The following GBE1 variants were observed in gnomAD, a reference collection of about 807,000 sequenced individuals.
GBE1 encodes 1,4-alpha-glucan branching enzyme 1.
In GBE1, 70 loss-of-function variants were observed where a neutral mutation model predicts 88.8. The observed-to-expected ratio is 0.79, with a 90% CI of 0.65 to 0.96. The LOEUF (loss-of-function observed/expected upper bound fraction) is 0.96. Ranked by LOEUF, GBE1 falls within the 40% of genes least tolerant of loss-of-function variation. The pLI is 0.00. For missense variants in GBE1, 872 were observed against 871.0 expected (o/e 1.00, Z -0.01); for synonymous variants, 284 against 300.1 (o/e 0.95, Z 0.56).
Position 81,490,318 on chromosome 3 carries a change from G to A in GBE1, c.*89C>T. ...TGGCTTGGCTAGACAACTGTATTCT[G>A]AAAAGCATACATGTTATAAGCTGTG... On this transcript the variant is annotated 3_prime_UTR_variant, in exon 16 of 16. Coordinates refer to ENST00000429644, the MANE Select transcript of GBE1 (RefSeq NM_000158.4). 1 of 1,106,624 alleles carries A rather than the reference G, an allele frequency of 9.0e-7. No homozygotes were observed. Among genetic ancestry groups the A allele is most frequent in the Non-Finnish European group, 1.4e-6 (1 of 724,376 alleles). The allele number at this position is 1,106,624 out of a possible 1,614,324, so 68.6% of individuals were successfully genotyped here.
At chr3:81,743,365 G>T (rs1314132393) in intron 1 of GBE1, among the ~76,000 whole-genome samples, 1 of 151,948 alleles carries the variant, frequency 6.6e-6, no homozygotes, top group Non-Finnish European at 1.5e-5. Flanking sequence ...CTACCATCTA[G>T]AGAAAACAAG....
chr3:81,553,930 T>A (rs1265214587), intron 12 of GBE1, among the ~76,000 whole-genome samples: 1 of 152,098 alleles, frequency 6.6e-6, no homozygotes, highest in Non-Finnish European at 1.5e-5. Flanking sequence ...GGCACATTTT[T>A]AAATTTAAAA....
At chr3:81,729,375 G>A (rs895298613) in intron 1 of GBE1, among the ~76,000 whole-genome samples, 1 of 152,176 alleles carries the variant, frequency 6.6e-6, no homozygotes, top group Non-Finnish European at 1.5e-5. Context: ...CATCTGCACA[G>A]TATGCCTGCA....
chr3:81,592,130 C>G (rs1703887269), intron 8 of GBE1, among the ~76,000 whole-genome samples: 1 of 151,988 alleles, frequency 6.6e-6, no homozygotes, highest in African/African-American at 2.4e-5. Flanking sequence ...CCATAGTTAC[C>G]ACATGTGTAT....
chr3:81,756,743 T>TAGA (rs1333829789), intron 1 of GBE1, among the ~76,000 whole-genome samples: 1 of 151,768 alleles, frequency 6.6e-6, no homozygotes, highest in East Asian at 1.9e-4. Context: ...TATCCTAAGG[T>TAGA]AGAAGCAAAG....
intron 12 of GBE1, among the ~76,000 whole-genome samples, chr3:81,551,931 T>A (rs1703276549): frequency 6.6e-6 from 1 of 152,170 alleles, no homozygotes; most frequent in Non-Finnish European, 1.5e-5. Context: ...GGGCCAGGAA[T>A]GTGGTGCTGA....
intron 7 of GBE1, among the ~76,000 whole-genome samples, chr3:81,602,203 A>C (rs939613572): frequency 6.6e-6 from 1 of 152,168 alleles, no homozygotes; most frequent in African/African-American, 2.4e-5. Context: ...ATCTTACATT[A>C]GTTCCGAAAA....
intron 1 of GBE1, among the ~76,000 whole-genome samples, chr3:81,718,791 C>T (rs1354310795): frequency 6.6e-6 from 1 of 152,076 alleles, no homozygotes; most frequent in Non-Finnish European, 1.5e-5. Flanking sequence ...CATGCACCAC[C>T]ACACCCAGCT....
At chr3:81,504,071 C>T (rs1702624063) in intron 14 of GBE1, among the ~76,000 whole-genome samples, 1 of 152,090 alleles carries the variant, frequency 6.6e-6, no homozygotes, top group Admixed American at 6.6e-5. Flanking sequence ...AGTGAGAAGT[C>T]ACTTGTTACC....
chr3:81,680,493 TCA>T (rs1559685724), intron 2 of GBE1, among the ~76,000 whole-genome samples: 1 of 71,706 alleles, frequency 1.4e-5, no homozygotes, highest in African/African-American at 6.4e-5. Context: ...AGACTCCGTC[TCA>T]AAAAAAAAAA....
intron 7 of GBE1, among the ~76,000 whole-genome samples, chr3:81,606,205 T>G (rs1171579726): frequency 1.3e-5 from 2 of 152,184 alleles, no homozygotes; most frequent in Admixed American, 1.3e-4. Flanking sequence ...CATCAAGATA[T>G]CTGATGAAAT....
At chr3:81,724,868 A>G (rs753436654) in intron 1 of GBE1, among the ~76,000 whole-genome samples, 5 of 152,240 alleles carry the variant, frequency 3.3e-5, no homozygotes, top group Non-Finnish European at 5.9e-5. Context: ...ACTGCATTTA[A>G]ACTTACATAT....
At chr3:81,601,640 T>G (rs1302549062) in intron 7 of GBE1, among the ~76,000 whole-genome samples, 1 of 152,074 alleles carries the variant, frequency 6.6e-6, no homozygotes, top group Admixed American at 6.6e-5. Flanking sequence ...GAGTTCCTAT[T>G]AAATAATAAA....
chr3:81,729,883 C>A (rs562921783), intron 1 of GBE1, among the ~76,000 whole-genome samples: 2 of 152,086 alleles, frequency 1.3e-5, no homozygotes, highest in Non-Finnish European at 2.9e-5. Flanking sequence ...GAGCAGGATG[C>A]CCCCATAAAC....
intron 3 of GBE1, among the ~76,000 whole-genome samples, chr3:81,668,128 C>T (rs890156777): frequency 1.3e-5 from 2 of 152,028 alleles, no homozygotes; most frequent in Admixed American, 1.3e-4. Context: ...GAACAGAAAA[C>T]CACACACTGC....
intron 14 of GBE1, among the ~76,000 whole-genome samples, chr3:81,534,504 A>T (rs1411197185): frequency 7.2e-5 from 11 of 151,944 alleles, no homozygotes; most frequent in African/African-American, 2.4e-4. Context: ...ATACATAGAG[A>T]ACATCAAAAA....
chr3:81,560,241 A>T (rs1163214693), intron 12 of GBE1, among the ~76,000 whole-genome samples: 1 of 152,020 alleles, frequency 6.6e-6, no homozygotes, highest in Non-Finnish European at 1.5e-5. Flanking sequence ...TATAACAAAA[A>T]GGTAAATAAA....
At chr3:81,738,188 C>T (rs1483421875) in intron 1 of GBE1, among the ~76,000 whole-genome samples, 24 of 150,756 alleles carry the variant, frequency 1.6e-4, no homozygotes, top group Non-Finnish European at 3.1e-4. Context: ...GTCTTTGCTA[C>T]TGTGAATAGT....
At chr3:81,617,306 G>C (rs1252833934) in intron 7 of GBE1, among the ~76,000 whole-genome samples, 1 of 151,846 alleles carries the variant, frequency 6.6e-6, no homozygotes, top group Non-Finnish European at 1.5e-5. Flanking sequence ...TCTTTGTCTT[G>C]TTCCCAAAGT....
Sources: gnomAD v4.1 joint callset for allele counts (sites outside exome capture counted in the v4.1 genomes callset) on GRCh38, gnomAD v4.1.1 for gene constraint, MANE v1.5 for transcripts, NCBI Gene and HGNC (gene_info 2026-07-23, HGNC 2026-07-21) for gene names.